The following C1orf21 variants were observed in gnomAD, a reference collection of about 807,000 sequenced individuals.
The protein encoded by C1orf21 is chromosome 1 open reading frame 21.
C1orf21 carries 3 observed loss-of-function variants against 18.7 expected under a neutral mutation model. The ratio of observed to expected loss-of-function variants is 0.16; its 90% CI spans 0.07 to 0.42. The LOEUF (loss-of-function observed/expected upper bound fraction) is 0.42. Among genes scored for constraint, C1orf21 ranks in the 10% least tolerant of loss-of-function variants. C1orf21 has a pLI of 0.99. For missense variants in C1orf21, 104 were observed against 143.6 expected, an observed-to-expected ratio of 0.72 and a Z score of 1.41; for synonymous variants, 41 against 46.4, an observed-to-expected ratio of 0.88 and a Z score of 0.47.
At chr1:184,582,873 C>G (rs1224848887) in intron 3 of C1orf21, among the ~76,000 whole-genome samples, 1 of 152,172 alleles carries the variant, frequency 6.6e-6, no homozygotes, top group Non-Finnish European at 1.5e-5. Flanking sequence ...GAATCTTGCT[C>G]TGTCACCCAG....
In C1orf21 at chr1:184,602,150, T is replaced by C. The variant is rs548704812; in HGVS notation, c.327+3689T>C. ...CATCCTCACCCTCACCCTGCTATTG[T>C]CACTGAGAGTGAGGTTCTCCTCCGT... On this transcript the variant is annotated intron_variant, in intron 5 of 5. Coordinates refer to ENST00000235307, the MANE Select transcript of C1orf21 (RefSeq NM_030806.4). 5.3e-5 allele frequency among the ~76,000 whole-genome samples: 8 copies of C among 152,306 alleles called. No individual in the cohort carries two copies. In the South Asian group the frequency reaches 1.7e-3, roughly 32 times the overall value.
chr1:184,389,911 A>G (rs1156377773), intron 1 of C1orf21, among the ~76,000 whole-genome samples: 1 of 152,214 alleles, frequency 6.6e-6, no homozygotes, highest in Non-Finnish European at 1.5e-5. Context: ...TCTTCATTTG[A>G]ATTTATCAAT....
intron 2 of C1orf21, among the ~76,000 whole-genome samples, chr1:184,487,182 G>A (rs1204166958): frequency 2.0e-5 from 3 of 152,182 alleles, no homozygotes; most frequent in Admixed American, 2.0e-4. Flanking sequence ...CTTCTTCCTG[G>A]ACTCCTGGCT....
chr1:184,441,505 A>G (rs990021087), intron 1 of C1orf21, among the ~76,000 whole-genome samples: 1 of 152,178 alleles, frequency 6.6e-6, no homozygotes, highest in African/African-American at 2.4e-5. Context: ...TTGCTTTTAA[A>G]TCCAATTCCA....
intron 5 of C1orf21, among the ~76,000 whole-genome samples, chr1:184,602,069 A>T (rs902366834): frequency 1.4e-4 from 21 of 152,188 alleles, no homozygotes; most frequent in African/African-American, 3.6e-4. Context: ...AGTGAATTTT[A>T]AAAAAATCTA....
intron 1 of C1orf21, among the ~76,000 whole-genome samples, chr1:184,410,665 T>TATA (rs1557965191): frequency 6.1e-5 from 1 of 16,502 alleles, no homozygotes; most frequent in Non-Finnish European, 8.8e-5. Flanking sequence ...ATATATATAT[T>TATA]TTTTTTTTTT....
intron 1 of C1orf21, among the ~76,000 whole-genome samples, chr1:184,422,418 T>C (rs141230057): frequency 6.8e-4 from 103 of 152,344 alleles, no homozygotes; most frequent in African/African-American, 2.4e-3. Flanking sequence ...TCTGGTCATT[T>C]AATCATAACA....
chr1:184,406,123 A>G (rs1448952864), intron 1 of C1orf21, among the ~76,000 whole-genome samples: 2 of 152,216 alleles, frequency 1.3e-5, no homozygotes, highest in Non-Finnish European at 2.9e-5. Flanking sequence ...AATCTCTTAC[A>G]TGTGTTTTGA....
chr1:184,540,466 C>T (rs1658630892), intron 3 of C1orf21, among the ~76,000 whole-genome samples: 1 of 151,586 alleles, frequency 6.6e-6, no homozygotes, highest in Non-Finnish European at 1.5e-5. Flanking sequence ...CTGGGTCTCG[C>T]TCCTTCCTCC....
intron 1 of C1orf21, among the ~76,000 whole-genome samples, chr1:184,429,422 A>G (rs1656696224): frequency 1.3e-5 from 2 of 152,186 alleles, no homozygotes; most frequent in Non-Finnish European, 1.5e-5. Flanking sequence ...AAAAGAATCT[A>G]TGCAAGTCTC....
chr1:184,439,565 T>C (rs892852675), intron 1 of C1orf21, among the ~76,000 whole-genome samples: 12 of 152,098 alleles, frequency 7.9e-5, no homozygotes, highest in African/African-American at 2.9e-4. Context: ...CTTTGCAATT[T>C]AGTTAAAATA....
chr1:184,442,494 C>G (rs567935966), intron 1 of C1orf21, among the ~76,000 whole-genome samples: 1 of 152,294 alleles, frequency 6.6e-6, no homozygotes, highest in African/African-American at 2.4e-5. Flanking sequence ...GCAAACCCCT[C>G]CCTTTGGTTG....
intron 5 of C1orf21, among the ~76,000 whole-genome samples, chr1:184,617,247 G>A (rs1659840376): frequency 6.6e-6 from 1 of 152,066 alleles, no homozygotes; most frequent in African/African-American, 2.4e-5. Flanking sequence ...TCAAACAACA[G>A]TGTATATGTA....
chr1:184,464,894 T>C (rs138931427), intron 1 of C1orf21, among the ~76,000 whole-genome samples: 358 of 152,258 alleles, frequency 2.4e-3, no homozygotes, highest in Non-Finnish European at 3.0e-3. Context: ...TAGTAAGTTA[T>C]CTAAACTCTG....
At chr1:184,463,984 C>T (rs545193647) in intron 1 of C1orf21, among the ~76,000 whole-genome samples, 3 of 152,182 alleles carry the variant, frequency 2.0e-5, no homozygotes, top group African/African-American at 7.2e-5. Context: ...ATGGGGAGGG[C>T]TTTCTATTTA....
At chr1:184,495,204 G>C (rs998025832) in intron 2 of C1orf21, among the ~76,000 whole-genome samples, 3 of 152,058 alleles carry the variant, frequency 2.0e-5, no homozygotes, top group Non-Finnish European at 2.9e-5. Context: ...CTTTCACCTG[G>C]CTCTTGCCTT....
At chr1:184,412,632 AC>A (rs1656373232) in intron 1 of C1orf21, among the ~76,000 whole-genome samples, 1 of 149,002 alleles carries the variant, frequency 6.7e-6, no homozygotes, top group Non-Finnish European at 1.5e-5. Context: ...ACATAGTGAG[AC>A]CCCATCTCTG....
At chr1:184,519,725 G>T (rs1368509426) in intron 3 of C1orf21, among the ~76,000 whole-genome samples, 1 of 152,176 alleles carries the variant, frequency 6.6e-6, no homozygotes, top group East Asian at 1.9e-4. Flanking sequence ...AACTCAGTGA[G>T]GTAGCTTCAC....
At chr1:184,431,231 A>G (rs1247759571) in intron 1 of C1orf21, among the ~76,000 whole-genome samples, 1 of 152,210 alleles carries the variant, frequency 6.6e-6, no homozygotes, top group African/African-American at 2.4e-5. Flanking sequence ...CTACAAGGCT[A>G]CAGTAACCAA....
Sources: allele counts gnomAD v4.1 joint callset (sites outside exome capture counted in the v4.1 genomes callset), GRCh38; gene constraint gnomAD v4.1.1; transcripts MANE v1.5; gene names NCBI Gene and HGNC (gene_info 2026-07-23, HGNC 2026-07-21).